VPS53: variants seen among roughly 807,000 people sequenced by gnomAD.
VPS53 encodes vacuolar protein sorting-associated protein 53 homolog.
Under a neutral mutation model 107.0 loss-of-function variants are expected in VPS53, and 70 were observed. The ratio of observed to expected loss-of-function variants is 0.65; its 90% confidence interval spans 0.54 to 0.80. The LOEUF is 0.80. VPS53 is among the 30% of genes least tolerant of loss of function. VPS53 has a pLI of 0.00. For missense variants in VPS53, 917 were observed against 1,049.4 expected (o/e 0.87, Z 1.74); for synonymous variants, 409 against 393.3 (o/e 1.04, Z -0.47).
intron 1 of VPS53, among the ~76,000 whole-genome samples, chr17:712,726 T>C (rs948452508): frequency 4.6e-5 from 7 of 152,136 alleles, no homozygotes; most frequent in East Asian, 1.9e-4. Context: ...ATAGGAAAAA[T>C]GTCAGAATTC....
chr17:555,194 T>C (rs1372560509), intron 15 of VPS53, among the ~76,000 whole-genome samples: 1 of 152,262 alleles, frequency 6.6e-6, no homozygotes, highest in Non-Finnish European at 1.5e-5. Context: ...GTCTTGCCAC[T>C]TTCCACCTTG....
chr17:653,758 T>C (rs1010148758), intron 6 of VPS53, among the ~76,000 whole-genome samples: 1 of 152,224 alleles, frequency 6.6e-6, no homozygotes, highest in Admixed American at 6.5e-5. Context: ...GGGAAGACGA[T>C]GAATTTAGAA....
At chr17:693,398 G>A (rs1193975025) in intron 4 of VPS53, among the ~76,000 whole-genome samples, 1 of 152,066 alleles carries the variant, frequency 6.6e-6, no homozygotes, top group Non-Finnish European at 1.5e-5. Flanking sequence ...GCATCCACTG[G>A]GGGTCTTGGA....
intron 13 of VPS53, among the ~76,000 whole-genome samples, chr17:574,593 C>T (rs1375690356): frequency 6.6e-6 from 1 of 151,956 alleles, no homozygotes; most frequent in Non-Finnish European, 1.5e-5. Flanking sequence ...GGCAAAACTG[C>T]GTCTCTACAA....
At chr17:698,670 T>C (rs1398147501) in intron 3 of VPS53, among the ~76,000 whole-genome samples, 3 of 148,248 alleles carry the variant, frequency 2.0e-5, no homozygotes, top group African/African-American at 5.0e-5. Flanking sequence ...ACCAGTACGC[T>C]CCAGCCTGGG....
chr17:587,089 G>A lies in VPS53; in HGVS notation c.1219-725C>T, dbSNP rs141667685. ...TTTTTTGTTTGCTTTTTGAGACAGA[G>A]TCTCCCTCTGTCACCCAGGCTAAAG... On this transcript the variant is annotated intron_variant, in intron 12 of 21. Coordinates refer to ENST00000437048, the MANE Select transcript of VPS53 (RefSeq NM_001128159.3). 4.3e-3 allele frequency among the ~76,000 whole-genome samples: 649 copies of A among 151,880 alleles called. 3 individuals carry two copies. The highest frequency in any genetic ancestry group is 0.014 in the Middle Eastern group (4 of 292).
chr17:663,577 T>C (rs937340395), intron 4 of VPS53, among the ~76,000 whole-genome samples: 1 of 152,186 alleles, frequency 6.6e-6, no homozygotes, highest in African/African-American at 2.4e-5. Flanking sequence ...CCACAGGCAC[T>C]GGACCGTCCG....
At chr17:682,503 G>A (rs752663098) in intron 4 of VPS53, among the ~76,000 whole-genome samples, 111 of 152,216 alleles carry the variant, frequency 7.3e-4, no homozygotes, top group Middle Eastern at 3.4e-3. Flanking sequence ...GGAAGACGGG[G>A]GTGCCACACA....
intron 17 of VPS53, among the ~76,000 whole-genome samples, chr17:540,196 A>AT (rs202148052): frequency 0.025 from 3,772 of 150,256 alleles, 55 homozygotes; most frequent in East Asian, 0.068. Flanking sequence ...TTTATTTTTC[A>AT]TTTTTTTTTG....
Position 699,370 on chromosome 17 carries a change from T to C in VPS53, c.179A>G (p.Asn60Ser). 6.4e-7 allele frequency: 1 copy of C among 1,570,870 alleles called. No homozygotes were observed. The highest frequency in any genetic ancestry group is 8.6e-7 in the Non-Finnish European group (1 of 1,163,078). Residue 60 changes from asparagine to serine, a missense_variant, in exon 3 of 22, where the codon AAC (asparagine) becomes AGC (serine). Coordinates refer to ENST00000437048, the MANE Select transcript of VPS53 (RefSeq NM_001128159.3). ...AATTTTGTTCACGACTTCGTCTATG[T>C]TCGCCAGAGACTACAATAAAGAAGG... Reference protein sequence around the residue: ...TLFPTEQSLANIDEVVNKIRL... With the variant: ...TLFPTEQSLASIDEVVNKIRL...
At chr17:703,577 C>T (rs1348854773) in intron 2 of VPS53, among the ~76,000 whole-genome samples, 4 of 152,112 alleles carry the variant, frequency 2.6e-5, no homozygotes, top group Admixed American at 2.0e-4. Context: ...TCACTCATCT[C>T]GTTTAGTTAT....
Position 656,683 on chromosome 17 carries a change from T to TC in VPS53, c.373-731dup. 6.7e-6 allele frequency: 4 copies of TC among 593,198 alleles called. No homozygotes were observed. In the South Asian group the frequency reaches 8.4e-5, roughly 12 times the overall value. The allele number at this position is 593,198 out of a possible 1,614,324, so 36.7% of individuals were successfully genotyped here. A position where few individuals can be genotyped will look rare whatever the true frequency, so the allele number is the denominator to read the frequency against. On this transcript the variant is annotated intron_variant, in intron 5 of 21. Transcript: ENST00000437048. Reference sequence around the variant, plus strand: ...TGAAATCATCCACTGTGTTTCTTGGTCCATGCTGACTAAGAAATGTGTGTG... The same window carrying TC: ...TGAAATCATCCACTGTGTTTCTTGGTCCCATGCTGACTAAGAAATGTGTGTG...
Position 519,222 on chromosome 17 carries a change from T to G in VPS53, c.2405A>C (p.Glu802Ala). The G allele has an allele frequency of 6.5e-7, 1 of 1,549,754 alleles. No individual in the cohort carries two copies. The highest frequency in any genetic ancestry group is 8.7e-7 in the Non-Finnish European group (1 of 1,146,310). The change falls in exon 22 of 22, where the codon GAA becomes GCA. Residue 802 changes from glutamate to alanine, a missense_variant. Coordinates refer to ENST00000437048, the MANE Select transcript of VPS53 (RefSeq NM_001128159.3). This position sits in a 1 kb window ranked among gnomAD's most constrained non-coding sequence, Gnocchi z 5.0. ...QRLPAPPSGAESSGSLSLTAP... is the reference protein window; with the variant it reads ...QRLPAPPSGAASSGSLSLTAP... ...CGTCAGGGACAGTGAGCCGGAGCTTTCTGCCCCCGAGGGCGGTGCGGGGAG... is the reference window on the plus strand; with the variant it reads ...CGTCAGGGACAGTGAGCCGGAGCTTGCTGCCCCCGAGGGCGGTGCGGGGAG...
At position 560,453 on chromosome 17, in the gene VPS53, T is replaced by TC. The variant is rs1297135203; in HGVS notation, c.1676_1677insG (p.Glu560ArgfsTer24). 2 of 1,612,450 alleles carry TC rather than the reference T, an allele frequency of 1.2e-6. No homozygotes were observed. The highest frequency in any genetic ancestry group is 2.7e-5 in the African/African-American group (2 of 74,884). On this transcript the variant is annotated frameshift_variant, in exon 15 of 22. Coordinates refer to ENST00000437048, the MANE Select transcript of VPS53 (RefSeq NM_001128159.3). LOFTEE classifies it high-confidence loss of function. The stretch of plus-strand genomic sequence containing the variant: ...GCTGGGTGGTGGCCAGACAGTACTC[T>TC]GCCGTGCTCAGGATGTTACAGATGA...
intron 4 of VPS53, among the ~76,000 whole-genome samples, chr17:690,912 A>C (rs886645782): frequency 6.6e-6 from 1 of 152,224 alleles, no homozygotes; most frequent in Non-Finnish European, 1.5e-5. Flanking sequence ...ATGTCTAGAC[A>C]TACAAAAATT....
In VPS53 at chr17:690,240, G is replaced by A. The variant is rs549298674; in HGVS notation, c.285+7178C>T. 2.6e-5 allele frequency among the ~76,000 whole-genome samples: 4 copies of A among 152,320 alleles called. No homozygotes were observed. In the South Asian group the frequency reaches 8.3e-4, roughly 32 times the overall value. On this transcript the variant is annotated intron_variant, in intron 4 of 21. Coordinates refer to ENST00000437048, the MANE Select transcript of VPS53 (RefSeq NM_001128159.3). ...GCAGAACTAGTGGGATGAAACGAAA[G>A]CTGAGACACACACGGTCTGACAATT...
intron 17 of VPS53, among the ~76,000 whole-genome samples, chr17:548,914 C>T (rs1000859008): frequency 8.5e-5 from 13 of 152,326 alleles, no homozygotes; most frequent in East Asian, 3.9e-4. Context: ...CACTTCCTTA[C>T]GAGGGCCTTC....
At chr17:648,488 T>C (rs919001935) in intron 7 of VPS53, among the ~76,000 whole-genome samples, 2 of 152,310 alleles carry the variant, frequency 1.3e-5, no homozygotes, top group South Asian at 2.1e-4. Context: ...GAGGCGGCGA[T>C]TGCAGTGAGC....
intron 13 of VPS53, among the ~76,000 whole-genome samples, chr17:579,308 A>T (rs1966873658): frequency 6.7e-6 from 1 of 150,358 alleles, no homozygotes; most frequent in Non-Finnish European, 1.5e-5. Context: ...GCGTTCCCAG[A>T]GATCCTCCCT....
Sources: allele counts gnomAD v4.1 joint callset (sites outside exome capture counted in the v4.1 genomes callset), GRCh38; gene constraint gnomAD v4.1.1; non-coding constraint Gnocchi (gnomAD v3.1); transcripts MANE v1.5; gene names NCBI Gene and HGNC (gene_info 2026-07-23, HGNC 2026-07-21).